SLC16A7: variants seen among roughly 807,000 people sequenced by gnomAD.
SLC16A7 encodes the protein solute carrier family 16 member 7.
Under a neutral mutation model 34.9 loss-of-function variants are expected in SLC16A7, and 33 were observed. The observed-to-expected ratio is 0.94, with a 90% CI of 0.72 to 1.26. The LOEUF is 1.26. Among genes scored for constraint, SLC16A7 ranks in the 50% most tolerant of loss-of-function variants. SLC16A7 has a pLI of 0.00. For synonymous variants in SLC16A7, 201 were observed against 206.6 expected (o/e 0.97, Z 0.23); for missense variants, 573 against 578.1 (o/e 0.99, Z 0.09).
At chr12:59,654,889 C>A (rs999385082) in intron 1 of SLC16A7, among the ~76,000 whole-genome samples, 5 of 151,740 alleles carry the variant, frequency 3.3e-5, no homozygotes, top group Non-Finnish European at 5.9e-5. Flanking sequence ...TAAAGGCAGG[C>A]ACAAATAAAG....
At chr12:59,733,849 G>A (rs1877258173) in intron 3 of SLC16A7, 1 of 455,384 alleles carries the variant, frequency 2.2e-6, no homozygotes, top group African/African-American at 2.0e-5. Flanking sequence ...CCTTCTTTCT[G>A]CAGGCAGGTC....
intron 3 of SLC16A7, among the ~76,000 whole-genome samples, chr12:59,742,955 G>T (rs923898989): frequency 2.6e-5 from 4 of 152,140 alleles, no homozygotes; most frequent in Non-Finnish European, 5.9e-5. Flanking sequence ...ACAAGAAATT[G>T]CATGCATCTG....
chr12:59,759,725 T>C (rs955663897), intron 3 of SLC16A7, among the ~76,000 whole-genome samples: 2 of 152,038 alleles, frequency 1.3e-5, no homozygotes, highest in African/African-American at 4.8e-5. Flanking sequence ...TATTTCAGAA[T>C]GCTCTGATGC....
At chr12:59,698,109 T>G (rs1051136264) in intron 2 of SLC16A7, among the ~76,000 whole-genome samples, 2 of 151,746 alleles carry the variant, frequency 1.3e-5, no homozygotes, top group Non-Finnish European at 3.0e-5. Context: ...AATCTATGTT[T>G]TCCTACGATT....
intron 3 of SLC16A7, among the ~76,000 whole-genome samples, chr12:59,762,287 T>C (rs576058962): frequency 6.6e-6 from 1 of 152,144 alleles, no homozygotes; most frequent in Non-Finnish European, 1.5e-5. Flanking sequence ...TTGAAACTCT[T>C]CATGAAAAGC....
chr12:59,598,141 C>T (rs1177093868), intron 1 of SLC16A7, among the ~76,000 whole-genome samples: 1 of 152,202 alleles, frequency 6.6e-6, no homozygotes, highest in Non-Finnish European at 1.5e-5. Context: ...ATTCTGTATT[C>T]ATCCACCAAA....
intron 2 of SLC16A7, among the ~76,000 whole-genome samples, chr12:59,693,480 A>G (rs1021124752): frequency 6.6e-6 from 1 of 151,888 alleles, no homozygotes; most frequent in Non-Finnish European, 1.5e-5. Flanking sequence ...AGTTTAATCA[A>G]CCCGTATTGA....
intron 1 of SLC16A7, among the ~76,000 whole-genome samples, chr12:59,600,364 C>T (rs757250694): frequency 2.8e-4 from 42 of 152,126 alleles, no homozygotes; most frequent in Non-Finnish European, 5.4e-4. Flanking sequence ...GAGAAGTCAT[C>T]CTGGTTTGTC....
At chr12:59,692,076 G>A (rs1871727458) in intron 2 of SLC16A7, among the ~76,000 whole-genome samples, 1 of 151,954 alleles carries the variant, frequency 6.6e-6, no homozygotes, top group African/African-American at 2.4e-5. Flanking sequence ...AAGGTTCTAT[G>A]GGAGACTCTG....
chr12:59,599,867 T>G (rs748123878), intron 1 of SLC16A7, among the ~76,000 whole-genome samples: 5 of 152,184 alleles, frequency 3.3e-5, no homozygotes, highest in Non-Finnish European at 5.9e-5. Flanking sequence ...TTACAATTAT[T>G]TGGGAAGGCA....
At chr12:59,762,169 T>C (rs951754936) in intron 3 of SLC16A7, among the ~76,000 whole-genome samples, 5 of 152,108 alleles carry the variant, frequency 3.3e-5, no homozygotes, top group African/African-American at 1.2e-4. Context: ...TTCTGGAGTC[T>C]AAGTTGTTCT....
At chr12:59,669,861 A>C (rs1314715511) in intron 2 of SLC16A7, among the ~76,000 whole-genome samples, 1 of 152,196 alleles carries the variant, frequency 6.6e-6, no homozygotes, top group East Asian at 1.9e-4. Context: ...ATTGGGGGTT[A>C]TAAGAATAAT....
chr12:59,761,069 T>C, intron 3 of SLC16A7: 1 of 745,440 alleles, frequency 1.3e-6, no homozygotes, highest in African/African-American at 1.8e-5. Context: ...AAATCACGTC[T>C]TGACAATATG....
At chr12:59,679,995 G>C (rs1275596506) in intron 2 of SLC16A7, among the ~76,000 whole-genome samples, 1 of 152,128 alleles carries the variant, frequency 6.6e-6, no homozygotes, top group Non-Finnish European at 1.5e-5. Context: ...ACTTATTCAT[G>C]TTAATCATTT....
At chr12:59,764,924 G>T (rs1881430278) in intron 3 of SLC16A7, among the ~76,000 whole-genome samples, 1 of 152,116 alleles carries the variant, frequency 6.6e-6, no homozygotes. Context: ...TTCCACAATG[G>T]TTGAACTAGT....
At chr12:59,624,583 C>G (rs924956698) in intron 1 of SLC16A7, among the ~76,000 whole-genome samples, 6 of 151,698 alleles carry the variant, frequency 4.0e-5, no homozygotes, top group Admixed American at 1.3e-4. Context: ...TTGTAAACTC[C>G]CAAACATTGT....
At chr12:59,657,325 A>G (rs1868586779) in intron 2 of SLC16A7, among the ~76,000 whole-genome samples, 1 of 151,930 alleles carries the variant, frequency 6.6e-6, no homozygotes, top group African/African-American at 2.4e-5. Context: ...AGATGAAGCA[A>G]TTTTGTATAT....
chr12:59,597,889 T>A (rs1402605757), intron 1 of SLC16A7, among the ~76,000 whole-genome samples: 1 of 152,214 alleles, frequency 6.6e-6, no homozygotes, highest in East Asian at 1.9e-4. Flanking sequence ...CATGTTTGAA[T>A]AATAAGTGAT....
At chr12:59,660,857 A>G (rs1868811242) in intron 2 of SLC16A7, among the ~76,000 whole-genome samples, 1 of 152,162 alleles carries the variant, frequency 6.6e-6, no homozygotes. Context: ...AGTAGATTTA[A>G]TGTTGCCTCA....
Sources: gnomAD v4.1 joint callset for allele counts (sites outside exome capture counted in the v4.1 genomes callset) on GRCh38, gnomAD v4.1.1 for gene constraint, MANE v1.5 for transcripts, NCBI Gene and HGNC (gene_info 2026-07-23, HGNC 2026-07-21) for gene names.